The following BCAT2 variants were observed in gnomAD, a reference collection of about 807,000 sequenced individuals.
BCAT2 encodes branched chain amino acid transaminase 2.
In BCAT2, 44 loss-of-function variants were observed where a neutral mutation model predicts 52.9. The ratio of observed to expected loss-of-function variants is 0.83; its 90% CI spans 0.65 to 1.07. BCAT2 has a LOEUF of 1.07. Ranked by LOEUF, BCAT2 falls within the 50% of genes least tolerant of loss-of-function variation. The pLI, the probability that BCAT2 is intolerant of heterozygous loss-of-function variation, is 0.00. For synonymous variants in BCAT2, 215 were observed against 217.1 expected (o/e 0.99, Z 0.08); for missense variants, 478 against 521.8 (o/e 0.92, Z 0.82).
chr19:48,796,039 C>G (rs2034502703), intron 10 of BCAT2: 2 of 392,466 alleles, frequency 5.1e-6, no homozygotes, highest in Middle Eastern at 4.1e-4. Flanking sequence ...TGGAAAGGGC[C>G]TTTCTCCCAC....
intron 3 of BCAT2, 85 bp downstream of exon 3, chr19:48,806,432 C>A: frequency 6.5e-7 from 1 of 1,531,378 alleles, no homozygotes; most frequent in Non-Finnish European, 9.0e-7. Context: ...AACAAACAAA[C>A]CAAGAGAGGT....
At chr19:48,798,031 G>A (rs1433356618) in intron 6 of BCAT2, among the ~76,000 whole-genome samples, 2 of 152,010 alleles carry the variant, frequency 1.3e-5, no homozygotes, top group African/African-American at 4.8e-5. Context: ...GCCCCCCAAA[G>A]TGCTGGGATT....
At chr19:48,802,027 C>T (rs1263028969) in intron 3 of BCAT2, among the ~76,000 whole-genome samples, 1 of 151,978 alleles carries the variant, frequency 6.6e-6, no homozygotes, top group African/African-American at 2.4e-5. Flanking sequence ...AATCCCCCTG[C>T]CTCTTCTTCC....
chr19:48,808,316 C>A, intron 1 of BCAT2: 1 of 943,142 alleles, frequency 1.1e-6, no homozygotes, highest in Non-Finnish European at 1.3e-6. Context: ...GGAGAGCTGC[C>A]CTCAGAGCCA....
chr19:48,808,473 G>A (rs768175264), intron 1 of BCAT2, among the ~76,000 whole-genome samples: 1 of 151,942 alleles, frequency 6.6e-6, no homozygotes, highest in Non-Finnish European at 1.5e-5. Flanking sequence ...ATCATAGAAA[G>A]AGGCCACACG....
rs1258399338 is a variant in BCAT2, at chr19:48,806,674, T to A, written c.143A>T (p.Lys48Met). ...CACCAGGGGCTCGCCGGGGCCAGGCTTCTTATGAGGCTTCTGTGTCATTTC... is the reference window on the plus strand; with the variant it reads ...CACCAGGGGCTCGCCGGGGCCAGGCATCTTATGAGGCTTCTGTGTCATTTC... ...QLEMTQKPHK[K>M]PGPGEPLVFG... is the part of the protein sequence containing the mutation. The change falls in exon 3 of 11, where the codon AAG becomes ATG. Residue 48 changes from lysine (K) to methionine (M), a missense_variant. Physicochemically the swap from Lys to Met is moderately conservative, Grantham distance 95 (BLOSUM62 -1). Coordinates refer to ENST00000316273, the MANE Select transcript of BCAT2 (RefSeq NM_001190.4). The A allele has an allele frequency of 6.8e-6, 11 of 1,613,682 alleles. No homozygotes were observed. The Admixed American group carries it at 1.5e-4, about 22-fold the overall frequency.
At chr19:48,802,368 T>G (rs1336512644) in intron 3 of BCAT2, among the ~76,000 whole-genome samples, 1 of 151,684 alleles carries the variant, frequency 6.6e-6, no homozygotes, top group Non-Finnish European at 1.5e-5. Flanking sequence ...TGACCTACAG[T>G]TCCCGAAATT....
intron 3 of BCAT2, 23 bp downstream of exon 3, chr19:48,806,492 GGA>G (rs1161588365): frequency 1.2e-6 from 2 of 1,612,770 alleles, no homozygotes; most frequent in South Asian, 2.2e-5. Context: ...ACAGGGACAG[GGA>G]GAGAGGCCGG....
Position 48,795,445 on chromosome 19 carries a change from T to C in BCAT2, c.1160A>G (p.Glu387Gly), listed in dbSNP as rs1329872945. The change falls in exon 11 of 11, where the codon GAG (glutamate) becomes GGG (glycine). Residue 387 changes from glutamate to glycine, a missense_variant. Transcript: ENST00000316273. The part of the protein sequence containing the change: ...KEIQYGIRAH[E>G]WMFPV ...GCAGCTTCACACCGGGAACATCCAC[T>C]CGTGGGCTCTGATTCCGTACTGCGG... 4 of 1,613,990 alleles carry C rather than the reference T, an allele frequency of 2.5e-6. No homozygotes were observed. The East Asian group carries it at 8.9e-5, about 36-fold the overall frequency.
rs73587813 is a variant in BCAT2 at position 48,796,911 on chromosome 19, A to G, written c.924+26T>C. Reference sequence around the variant, plus strand: ...CCCTGGCCCCTGGCACATGGCGCCCATCACCAGAAGATGCCATGTCCTCAC... The same window carrying G: ...CCCTGGCCCCTGGCACATGGCGCCCGTCACCAGAAGATGCCATGTCCTCAC... On this transcript the variant is annotated intron_variant, in intron 8 of 10. Transcript: ENST00000316273. The G allele has an allele frequency of 1.6e-3, 2,594 of 1,612,584 alleles. 45 individuals are homozygous for G. In the African/African-American group the frequency reaches 0.03, roughly 19 times the overall value.
chr19:48,806,220 AGT>A (rs2122690186), intron 3 of BCAT2, among the ~76,000 whole-genome samples: 1 of 149,778 alleles, frequency 6.7e-6, no homozygotes, highest in East Asian at 2.0e-4. Flanking sequence ...CTTTCTTTCA[AGT>A]GAGGCTGGGG....
At position 48,799,500 on chromosome 19, in the gene BCAT2, C is replaced by G; in HGVS notation, c.695+175G>C. The G allele has an allele frequency of 1.3e-6, 1 of 798,898 alleles. No individual in the cohort carries two copies. The highest frequency in any genetic ancestry group is 1.8e-6 in the Non-Finnish European group (1 of 551,682). 49.5% of individuals were successfully genotyped at this position (798,898 alleles called of 1,614,324 possible). A position where few individuals can be genotyped will look rare whatever the true frequency, so the allele number is the denominator to read the frequency against. On this transcript the variant is annotated intron_variant, in intron 6 of 10. Transcript: ENST00000316273. This position sits in a 1 kb window ranked among gnomAD's most constrained non-coding sequence, Gnocchi z 5.5. ...TCTGAAAAATAATCCCCTCCTCCTT[C>G]CTTCCATGGTTTGTTTTCAGGGACC...
chr19:48,810,787 G>C, intron 1 of BCAT2, 197 bp downstream of exon 1: 8 of 1,056,050 alleles, frequency 7.6e-6, no homozygotes, highest in East Asian at 6.3e-5. Flanking sequence ...CACCTCATCC[G>C]CGTCTACCTG....
intron 6 of BCAT2, among the ~76,000 whole-genome samples, chr19:48,798,638 T>G (rs1034979937): frequency 6.6e-5 from 10 of 151,886 alleles, no homozygotes; most frequent in Admixed American, 5.9e-4. Flanking sequence ...TTCTTTTTTT[T>G]TTTTGAGATG....
At chr19:48,802,451 T>C (rs2034678311) in intron 3 of BCAT2, among the ~76,000 whole-genome samples, 1 of 141,578 alleles carries the variant, frequency 7.1e-6, no homozygotes, top group African/African-American at 2.7e-5. Context: ...CTTTTTTTTT[T>C]TTTTTTTTTT....
At chr19:48,796,259 A>T in intron 10 of BCAT2, 169 bp downstream of exon 10, 1 of 840,892 alleles carries the variant, frequency 1.2e-6, no homozygotes, top group Non-Finnish European at 1.8e-6. Flanking sequence ...GGGGTTTTCC[A>T]GGCCACAGAG....
At chr19:48,809,830 G>A (rs772445678) in intron 1 of BCAT2, among the ~76,000 whole-genome samples, 1 of 150,006 alleles carries the variant, frequency 6.7e-6, no homozygotes, top group South Asian at 2.1e-4. Flanking sequence ...CTATGTTGCT[G>A]TCTAGGCCAG....
rs2034597923 is a variant in BCAT2, at chr19:48,799,076, C to G, written c.695+599G>C. ...TCTGTGTCCCCAGCTTCTGCCAGCACAGGGCCTGGCCCTCAGGAGACCTCA... is the reference window on the plus strand; with the variant it reads ...TCTGTGTCCCCAGCTTCTGCCAGCAGAGGGCCTGGCCCTCAGGAGACCTCA... On this transcript the variant is annotated intron_variant, in intron 6 of 10. Coordinates refer to ENST00000316273, the MANE Select transcript of BCAT2 (RefSeq NM_001190.4). The surrounding 1 kb of genome is among the most constrained non-coding windows in gnomAD (Gnocchi z 5.5). 1 of 152,344 alleles carries G rather than the reference C, an allele frequency of 6.6e-6. No individual in the cohort carries two copies. The highest frequency in any genetic ancestry group is 1.9e-4 in the East Asian group (1 of 5,182). 9.4% of individuals were successfully genotyped at this position (152,344 alleles called of 1,614,324 possible).
chr19:48,805,339 C>T (rs191585227), intron 3 of BCAT2, among the ~76,000 whole-genome samples: 2 of 152,220 alleles, frequency 1.3e-5, no homozygotes, highest in African/African-American at 4.8e-5. Context: ...GTCACCAGCC[C>T]GGCTTCCTAG....
Sources: gnomAD v4.1 joint callset for allele counts (sites outside exome capture counted in the v4.1 genomes callset) on GRCh38, gnomAD v4.1.1 for gene constraint, Gnocchi (gnomAD v3.1) non-coding constraint, MANE v1.5 for transcripts, NCBI Gene and HGNC (gene_info 2026-07-23, HGNC 2026-07-21) for gene names.